Variants in ZDHHC2 observed in about 807,000 individuals in gnomAD.
ZDHHC2 encodes the protein zDHHC palmitoyltransferase 2, also known as palmitoyltransferase ZDHHC2.
A neutral mutation model predicts 55.6 loss-of-function variants in ZDHHC2; 51 were observed. The ratio of observed to expected loss-of-function variants is 0.92; its 90% confidence interval spans 0.73 to 1.16. The LOEUF is 1.16. Among genes scored for constraint, ZDHHC2 ranks in the 50% most tolerant of loss-of-function variants. The pLI, the probability that ZDHHC2 is intolerant of heterozygous loss-of-function variation, is 0.00. For missense variants in ZDHHC2, 491 were observed against 442.4 expected (o/e 1.11, Z -0.99); for synonymous variants, 199 against 152.9 (o/e 1.30, Z -2.22).
chr8:17,219,864 A>C (rs1482633073), intron 12 of ZDHHC2, among the ~76,000 whole-genome samples: 1 of 152,196 alleles, frequency 6.6e-6, no homozygotes, highest in Non-Finnish European at 1.5e-5. Flanking sequence ...TTCCTGACTC[A>C]GTTGCCACTC....
At chr8:17,172,335 C>G (rs1376998708) in intron 1 of ZDHHC2, among the ~76,000 whole-genome samples, 1 of 152,168 alleles carries the variant, frequency 6.6e-6, no homozygotes, top group Non-Finnish European at 1.5e-5. Context: ...CAAAGTGTGG[C>G]GTTTTCTCTA....
At chr8:17,158,318 C>G (rs1370443535) in intron 1 of ZDHHC2, among the ~76,000 whole-genome samples, 4 of 152,176 alleles carry the variant, frequency 2.6e-5, no homozygotes, top group Non-Finnish European at 4.4e-5. Flanking sequence ...TTCCTTCGTC[C>G]TCTTAAAAAC....
At position 17,223,199 on chromosome 8, in the gene ZDHHC2, A is replaced by G. The variant is rs1453064509; in HGVS notation, c.*2978A>G. The G allele has an allele frequency of 6.6e-6, 1 of 151,784 alleles. No individual in the cohort carries two copies. The highest frequency in any genetic ancestry group is 1.5e-5 in the Non-Finnish European group (1 of 67,760). The allele number at this position is 151,784 out of a possible 1,614,324, so 9.4% of individuals were successfully genotyped here. On this transcript the variant is annotated 3_prime_UTR_variant, in exon 13 of 13. Coordinates refer to ENST00000262096, the MANE Select transcript of ZDHHC2 (RefSeq NM_016353.5). Reference sequence around the variant, plus strand: ...CTGAAATTGTACTGTATCATTTGGTATTTACTTATATGGTCAAATACTTGT... The same window carrying G: ...CTGAAATTGTACTGTATCATTTGGTGTTTACTTATATGGTCAAATACTTGT...
chr8:17,187,869 C>G (rs528756634), intron 3 of ZDHHC2, among the ~76,000 whole-genome samples: 5 of 152,312 alleles, frequency 3.3e-5, no homozygotes, highest in South Asian at 2.1e-4. Context: ...ATTCCACCAA[C>G]ATCTCAAATA....
intron 7 of ZDHHC2, among the ~76,000 whole-genome samples, chr8:17,206,865 A>G (rs1275064533): frequency 6.6e-6 from 1 of 152,178 alleles, no homozygotes; most frequent in African/African-American, 2.4e-5. Context: ...GTGAGATTTG[A>G]ACCAAATTTA....
intron 10 of ZDHHC2, among the ~76,000 whole-genome samples, chr8:17,214,668 G>A (rs1360535733): frequency 6.6e-6 from 1 of 152,020 alleles, no homozygotes; most frequent in Non-Finnish European, 1.5e-5. Context: ...TAGCACTTTG[G>A]GAGGCTAAGG....
intron 8 of ZDHHC2, 47 bp downstream of exon 8, chr8:17,208,139 C>G: frequency 6.8e-7 from 1 of 1,476,138 alleles, no homozygotes; most frequent in Non-Finnish European, 9.1e-7. Flanking sequence ...ATACGTATAC[C>G]AACATTCATT....
intron 5 of ZDHHC2, 71 bp downstream of exon 5, chr8:17,197,722 A>C: frequency 3.0e-5 from 43 of 1,454,820 alleles, no homozygotes; most frequent in Non-Finnish European, 3.7e-5. Flanking sequence ...TTCTTTTCTC[A>C]CTGTTTTCCT....
At chr8:17,157,166 G>A in intron 1 of ZDHHC2, among the ~76,000 whole-genome samples, 2 of 152,268 alleles carry the variant, frequency 1.3e-5, no homozygotes, top group Non-Finnish European at 2.9e-5. Context: ...AGGTCCCCGG[G>A]ACCGCTGTGG....
At chr8:17,195,649 G>A in intron 4 of ZDHHC2, 25 bp downstream of exon 4, 1 of 1,612,682 alleles carries the variant, frequency 6.2e-7, no homozygotes, top group South Asian at 1.1e-5. Context: ...TGAGTGCTTT[G>A]CAATGGTATG....
intron 1 of ZDHHC2, among the ~76,000 whole-genome samples, chr8:17,162,263 G>T (rs1437421456): frequency 6.6e-6 from 1 of 152,182 alleles, no homozygotes; most frequent in African/African-American, 2.4e-5. Context: ...ATGTACAAAT[G>T]CGCAATAAAT....
rs1806268599 is a variant in ZDHHC2 at position 17,195,638 on chromosome 8, A to G, written c.373+14A>G. 6.2e-7 allele frequency: 1 copy of G among 1,613,602 alleles called. No homozygotes were observed. The highest frequency in any genetic ancestry group is 8.5e-7 in the Non-Finnish European group (1 of 1,179,630). On this transcript the variant is annotated intron_variant, in intron 4 of 12. Coordinates refer to ENST00000262096, the MANE Select transcript of ZDHHC2 (RefSeq NM_016353.5). ...CCATGTCTGGAGGTAAATGTTGATAATGAGTGCTTTGCAATGGTATGCAAA... is the reference window on the plus strand; with the variant it reads ...CCATGTCTGGAGGTAAATGTTGATAGTGAGTGCTTTGCAATGGTATGCAAA...
At position 17,217,266 on chromosome 8, in the gene ZDHHC2, A is replaced by T; in HGVS notation, c.*34+20A>T. The T allele has an allele frequency of 3.3e-6, 5 of 1,521,464 alleles. No homozygotes were observed. Among genetic ancestry groups the T allele is most frequent in the Non-Finnish European group, 4.5e-6 (5 of 1,120,444 alleles). The allele number at this position is 1,521,464 out of a possible 1,614,324, so 94.2% of individuals were successfully genotyped here. A position where few individuals can be genotyped will look rare whatever the true frequency, so the allele number is the denominator to read the frequency against. Reference sequence around the variant, plus strand: ...ATAAAAGTACGATAATTTTCCCTTTATTGTTTTATATTTTTAACAGTCTTC... The same window carrying T: ...ATAAAAGTACGATAATTTTCCCTTTTTTGTTTTATATTTTTAACAGTCTTC... On this transcript the variant is annotated intron_variant, in intron 12 of 12. Transcript: ENST00000262096.
chr8:17,209,934 G>T lies in ZDHHC2; in HGVS notation c.733G>T (p.Ala245Ser). 5.0e-6 allele frequency: 8 copies of T among 1,603,282 alleles called. No individual in the cohort carries two copies. Among genetic ancestry groups the T allele is most frequent in the Non-Finnish European group, 6.8e-6 (8 of 1,175,716 alleles). Reference sequence around the variant, plus strand: ...ATTCCTTTACCATCTTTTTTTAGAGGCATTCAGAAGTCCAGTATTTCGACA... The same window carrying T: ...ATTCCTTTACCATCTTTTTTTAGAGTCATTCAGAAGTCCAGTATTTCGACA... ...LVSKNKSTLE[A>S]FRSPVFRHGT... is the part of the protein sequence containing the mutation. Residue 245 changes from alanine (A) to serine (S), a missense_variant and splice_region_variant, in exon 9 of 13, where the codon GCA becomes TCA. By Grantham distance (99) the Ala-to-Ser change is moderately conservative. Coordinates refer to ENST00000262096, the MANE Select transcript of ZDHHC2 (RefSeq NM_016353.5).
At position 17,223,572 on chromosome 8, in the gene ZDHHC2, A is replaced by G. The variant is rs1808004838; in HGVS notation, c.*3351A>G. 1 of 151,888 alleles carries G rather than the reference A, an allele frequency of 6.6e-6. No individual in the cohort carries two copies. 9.4% of individuals were successfully genotyped at this position (151,888 alleles called of 1,614,324 possible). ...TATATGTGGAAGGAGACTATGTTAC[A>G]TACCTGAAGTATTACTCTTTTACAA... On this transcript the variant is annotated 3_prime_UTR_variant, in exon 13 of 13. Coordinates refer to ENST00000262096, the MANE Select transcript of ZDHHC2 (RefSeq NM_016353.5).
At chr8:17,218,521 G>A (rs1157494943) in intron 12 of ZDHHC2, among the ~76,000 whole-genome samples, 1 of 152,018 alleles carries the variant, frequency 6.6e-6, no homozygotes, top group Non-Finnish European at 1.5e-5. Context: ...AAAAGCCATC[G>A]AGACTTCCCA....
chr8:17,180,178 A>G (rs897222760), intron 1 of ZDHHC2, among the ~76,000 whole-genome samples: 2 of 152,078 alleles, frequency 1.3e-5, no homozygotes, highest in African/African-American at 4.8e-5. Context: ...TTTTAAAGTA[A>G]TTGTTTTTAT....
intron 1 of ZDHHC2, among the ~76,000 whole-genome samples, chr8:17,170,006 A>G (rs1012788735): frequency 2.6e-5 from 4 of 152,302 alleles, no homozygotes; most frequent in African/African-American, 9.6e-5. Context: ...GATAATGACA[A>G]TGTCAGATTT....
At chr8:17,181,622 A>T (rs917942535) in intron 1 of ZDHHC2, among the ~76,000 whole-genome samples, 61 of 152,332 alleles carry the variant, frequency 4.0e-4, no homozygotes, top group African/African-American at 1.4e-3. Context: ...AAATCAAACA[A>T]ATTGAAATTC....
Sources: gnomAD v4.1 joint callset for allele counts (sites outside exome capture counted in the v4.1 genomes callset) on GRCh38, gnomAD v4.1.1 for gene constraint, MANE v1.5 for transcripts, NCBI Gene and HGNC (gene_info 2026-07-23, HGNC 2026-07-21) for gene names.